The following PAPPA2 variants were observed in gnomAD, a reference collection of about 807,000 sequenced individuals.
PAPPA2 encodes pappalysin 2.
A neutral mutation model predicts 176.4 loss-of-function variants in PAPPA2; 86 were observed. The ratio of observed to expected loss-of-function variants is 0.49; its 90% confidence interval spans 0.41 to 0.58. The LOEUF (loss-of-function observed/expected upper bound fraction) is 0.58, where lower values mean the gene tolerates loss of function less well. Ranked by LOEUF, PAPPA2 falls within the 20% of genes least tolerant of loss-of-function variation. The pLI, the probability that PAPPA2 is intolerant of heterozygous loss-of-function variation, is 0.00. For missense variants in PAPPA2, 2,073 were observed against 2,256.9 expected (o/e 0.92, Z 1.65); for synonymous variants, 809 against 852.2 (o/e 0.95, Z 0.88).
At chr1:176,752,265 C>T (rs1283420121) in intron 14 of PAPPA2, among the ~76,000 whole-genome samples, 194 of 126,526 alleles carry the variant, frequency 1.5e-3, no homozygotes, top group African/African-American at 5.6e-3. Context: ...GTGGGTGCAG[C>T]GCACCAGCAT....
At chr1:176,719,763 T>C (rs527666638) in intron 12 of PAPPA2, among the ~76,000 whole-genome samples, 31 of 152,216 alleles carry the variant, frequency 2.0e-4, no homozygotes, top group Non-Finnish European at 3.5e-4. Flanking sequence ...CCCAGTATTA[T>C]CATTTTTCAT....
intron 1 of PAPPA2, among the ~76,000 whole-genome samples, chr1:176,507,408 C>T (rs1259407826): frequency 6.6e-6 from 1 of 152,142 alleles, no homozygotes; most frequent in African/African-American, 2.4e-5. Context: ...AACAGAACTA[C>T]CATTTGACCC....
rs1416096676 is a variant in PAPPA2, at chr1:176,843,075, G to A, written c.*621G>A. ...TATTCATTGTTCCACACATGCTGCT[G>A]TGAAGTTCACATTCAAGATGAATGT... On this transcript the variant is annotated 3_prime_UTR_variant, in exon 23 of 23. Coordinates refer to ENST00000367662, the MANE Select transcript of PAPPA2 (RefSeq NM_020318.3). The A allele has an allele frequency of 2.6e-5, 4 of 151,932 alleles. No individual in the cohort carries two copies. Among genetic ancestry groups the A allele is most frequent in the African/African-American group, 9.6e-5 (4 of 41,476 alleles). The allele number at this position is 151,932 out of a possible 1,614,324, so 9.4% of individuals were successfully genotyped here. A position where few individuals can be genotyped will look rare whatever the true frequency, so the allele number is the denominator to read the frequency against.
chr1:176,542,735 G>T (rs549849624), intron 1 of PAPPA2, among the ~76,000 whole-genome samples: 4 of 152,294 alleles, frequency 2.6e-5, no homozygotes, highest in African/African-American at 9.6e-5. Flanking sequence ...CTATGGCTGA[G>T]ATCTGTGGAA....
rs777305457 is a variant in PAPPA2, at chr1:176,556,832, CACT to C, written c.516_518del (p.Thr174del). On this transcript the variant is annotated inframe_deletion, in exon 2 of 23. Transcript: ENST00000367662. ...TTCAGAAAGGCTCAGCCATGGCTGC[CACT>C]ACTACCACCGCCATTTTCACAACCC... 70 of 1,614,056 alleles carry C rather than the reference CACT, an allele frequency of 4.3e-5. No individual in the cohort carries two copies. The African/African-American group carries it at 7.6e-4, about 18-fold the overall frequency.
At position 176,719,755 on chromosome 1, in the gene PAPPA2, C is replaced by T. The variant is rs972881659; in HGVS notation, c.3798+7774C>T. On this transcript the variant is annotated intron_variant, in intron 12 of 22. Coordinates refer to ENST00000367662, the MANE Select transcript of PAPPA2 (RefSeq NM_020318.3). The stretch of plus-strand genomic sequence containing the variant: ...TATCTTTGATTCAAATTTCACTTCC[C>T]AGTATTATCATTTTTCATTTATTTG... Among the ~76,000 whole-genome samples the T allele has an allele frequency of 4.6e-5, 7 of 152,096 alleles. No individual in the cohort carries two copies. In the South Asian group the frequency reaches 6.2e-4, roughly 14 times the overall value.
intron 1 of PAPPA2, among the ~76,000 whole-genome samples, chr1:176,510,900 C>T (rs1339062102): frequency 6.8e-6 from 1 of 147,628 alleles, no homozygotes; most frequent in African/African-American, 2.5e-5. Context: ...AGAGATAAAA[C>T]CCAATTATAA....
intron 1 of PAPPA2, among the ~76,000 whole-genome samples, chr1:176,540,195 C>T (rs1650294766): frequency 6.6e-6 from 1 of 152,182 alleles, no homozygotes; most frequent in South Asian, 2.1e-4. Flanking sequence ...TGTGCAGGGT[C>T]ATTGGGTAGA....
chr1:176,675,059 G>A (rs1357037759), intron 4 of PAPPA2, among the ~76,000 whole-genome samples: 3 of 151,790 alleles, frequency 2.0e-5, no homozygotes, highest in Admixed American at 2.0e-4. Flanking sequence ...TTGCTTTTGG[G>A]TTCTTGGTCA....
intron 21 of PAPPA2, 145 bp downstream of exon 21, chr1:176,800,277 G>T: frequency 1.3e-6 from 1 of 753,540 alleles, no homozygotes. Flanking sequence ...TTGGTTCCAC[G>T]ATCTTAAATT....
At chr1:176,614,838 A>G (rs1490352859) in intron 3 of PAPPA2, among the ~76,000 whole-genome samples, 1 of 152,202 alleles carries the variant, frequency 6.6e-6, no homozygotes, top group Non-Finnish European at 1.5e-5. Flanking sequence ...TATCAATTAC[A>G]TAGTAAAACA....
intron 3 of PAPPA2, among the ~76,000 whole-genome samples, chr1:176,655,447 C>G (rs1657981272): frequency 6.6e-6 from 1 of 151,738 alleles, no homozygotes; most frequent in Non-Finnish European, 1.5e-5. Context: ...CCCAAATAAT[C>G]ACATTAAAAT....
intron 1 of PAPPA2, chr1:176,553,829 C>T (rs1037819230): frequency 6.6e-6 from 1 of 152,044 alleles, no homozygotes; most frequent in African/African-American, 2.4e-5. Flanking sequence ...TTTACTTGAA[C>T]TAAACCTCCT....
At chr1:176,671,678 T>C (rs1334214889) in intron 4 of PAPPA2, among the ~76,000 whole-genome samples, 1 of 151,938 alleles carries the variant, frequency 6.6e-6, no homozygotes, top group Non-Finnish European at 1.5e-5. Context: ...CCAACAATGA[T>C]AGACTGGATT....
chr1:176,739,192 A>G (rs576909846), intron 12 of PAPPA2, among the ~76,000 whole-genome samples: 1 of 152,326 alleles, frequency 6.6e-6, no homozygotes, highest in South Asian at 2.1e-4. Flanking sequence ...ATGGCAGTTC[A>G]GAACTTGGAA....
chr1:176,766,875 T>G (rs1034375115), intron 15 of PAPPA2, among the ~76,000 whole-genome samples: 1 of 151,864 alleles, frequency 6.6e-6, no homozygotes, highest in African/African-American at 2.4e-5. Flanking sequence ...GACATACAAC[T>G]GTTAGCTAGA....
At chr1:176,792,351 A>G (rs191188487) in intron 19 of PAPPA2, among the ~76,000 whole-genome samples, 1 of 152,338 alleles carries the variant, frequency 6.6e-6, no homozygotes, top group Admixed American at 6.5e-5. Flanking sequence ...ATTTTATCGG[A>G]CATTCTAACC....
At chr1:176,766,416 T>C (rs1460141233) in intron 15 of PAPPA2, among the ~76,000 whole-genome samples, 2 of 152,208 alleles carry the variant, frequency 1.3e-5, no homozygotes, top group Non-Finnish European at 2.9e-5. Context: ...ATATGTAGAT[T>C]AACAGGGTGA....
chr1:176,481,231 TTTAAGCGCTGAGA>T (rs1350401839), intron 1 of PAPPA2, among the ~76,000 whole-genome samples: 4 of 150,728 alleles, frequency 2.7e-5, no homozygotes, highest in Admixed American at 6.7e-5. Context: ...CATTGGTTGA[TTTAAGCGCTGAGA>T]TTTTAAAGCA....
Sources: gnomAD v4.1 joint callset for allele counts (sites outside exome capture counted in the v4.1 genomes callset) on GRCh38, gnomAD v4.1.1 for gene constraint, MANE v1.5 for transcripts, NCBI Gene and HGNC (gene_info 2026-07-23, HGNC 2026-07-21) for gene names.